Variants in GRID2 observed in about 807,000 individuals in gnomAD.
The protein encoded by GRID2 is glutamate ionotropic receptor delta type subunit 2, also known as glutamate receptor ionotropic, delta-2.
GRID2 carries 33 observed loss-of-function variants against 114.8 expected under a neutral mutation model. The observed-to-expected ratio is 0.29, with a 90% confidence interval of 0.22 to 0.38. The LOEUF (loss-of-function observed/expected upper bound fraction) is 0.38, where lower values mean the gene tolerates loss of function less well. GRID2 is among the 10% of genes least tolerant of loss of function. GRID2 has a pLI of 1.00. For synonymous variants in GRID2, 505 were observed against 449.9 expected (o/e 1.12, Z -1.55); for missense variants, 1,184 against 1,257.7 (o/e 0.94, Z 0.89).
chr4:92,507,835 G>A (rs1424359113), intron 1 of GRID2, among the ~76,000 whole-genome samples: 1 of 151,822 alleles, frequency 6.6e-6, no homozygotes, highest in Non-Finnish European at 1.5e-5. Flanking sequence ...ATTCTAGTAT[G>A]TGCTAAATTC....
intron 4 of GRID2, among the ~76,000 whole-genome samples, chr4:93,179,629 T>G (rs1411565432): frequency 6.6e-6 from 1 of 152,198 alleles, no homozygotes; most frequent in Non-Finnish European, 1.5e-5. Context: ...CTAAGTACCT[T>G]GTACATATTA....
intron 14 of GRID2, among the ~76,000 whole-genome samples, chr4:93,729,791 C>G (rs189567531): frequency 6.6e-6 from 1 of 152,088 alleles, no homozygotes; most frequent in African/African-American, 2.4e-5. Context: ...TCTGAAACAC[C>G]AAAGCTAAGT....
At chr4:92,323,458 G>GT (rs1053379157) in intron 1 of GRID2, among the ~76,000 whole-genome samples, 7 of 151,854 alleles carry the variant, frequency 4.6e-5, no homozygotes, top group Admixed American at 6.6e-5. Flanking sequence ...TCTCCTAAAA[G>GT]TTTTTTTTCC....
chr4:92,882,539 G>T (rs189484553), intron 2 of GRID2, among the ~76,000 whole-genome samples: 2 of 151,424 alleles, frequency 1.3e-5, no homozygotes, highest in Admixed American at 1.3e-4. Flanking sequence ...CTATATTAGG[G>T]GTTTTCAGTT....
At chr4:92,857,346 A>T (rs1286340725) in intron 2 of GRID2, among the ~76,000 whole-genome samples, 1 of 152,220 alleles carries the variant, frequency 6.6e-6, no homozygotes, top group Non-Finnish European at 1.5e-5. Context: ...TGCACCAGTT[A>T]GCAAAGTTGT....
At chr4:92,376,753 G>A (rs2870622) in intron 1 of GRID2, among the ~76,000 whole-genome samples, 46,455 of 152,034 alleles carry the variant, frequency 0.31, 7,116 homozygotes, top group African/African-American at 0.34. Flanking sequence ...ACTTTTGTGC[G>A]CTTGCAGACT....
At chr4:93,796,281 A>T (rs73842453) in intron 1 of GRID2, among the ~76,000 whole-genome samples, 13,401 of 152,172 alleles carry the variant, frequency 0.088, 604 homozygotes, top group South Asian at 0.18. Flanking sequence ...CACTAGAGTC[A>T]CAAGTCTTCC....
chr4:92,893,835 C>T (rs751205267), intron 2 of GRID2, among the ~76,000 whole-genome samples: 5 of 151,932 alleles, frequency 3.3e-5, no homozygotes, highest in Non-Finnish European at 4.4e-5. Context: ...TAATATGTTT[C>T]GGGATAATGT....
intron 4 of GRID2, among the ~76,000 whole-genome samples, chr4:93,179,709 A>G (rs933509483): frequency 1.3e-5 from 2 of 152,200 alleles, no homozygotes; most frequent in Non-Finnish European, 2.9e-5. Context: ...TAGGAATTTG[A>G]AGCTTGGAAG....
intron 4 of GRID2, among the ~76,000 whole-genome samples, chr4:93,188,997 CTTCCCTACAG>C (rs1740712792): frequency 6.6e-6 from 1 of 152,078 alleles, no homozygotes; most frequent in Non-Finnish European, 1.5e-5. Flanking sequence ...AGATTGAGGC[CTTCCCTACAG>C]TTCTCTTCTT....
chr4:93,036,029 G>A (rs1340492045), intron 2 of GRID2, among the ~76,000 whole-genome samples: 3 of 152,078 alleles, frequency 2.0e-5, no homozygotes, highest in African/African-American at 7.2e-5. Context: ...TCTTTGCCTA[G>A]TTTTGATCCT....
chr4:92,535,579 A>G (rs1184873321), intron 1 of GRID2, among the ~76,000 whole-genome samples: 1 of 152,182 alleles, frequency 6.6e-6, no homozygotes, highest in African/African-American at 2.4e-5. Context: ...GGCCAGAGGA[A>G]CAGCAATTAT....
rs529598930 is a variant in GRID2 at position 93,006,881 on chromosome 4, T to C, written c.245-78114T>C. Among the ~76,000 whole-genome samples, 636 of 151,582 alleles carry C rather than the reference T, an allele frequency of 4.2e-3. 7 individuals are homozygous for C. Among genetic ancestry groups the C allele is most frequent in the African/African-American group, 0.015 (601 of 41,438 alleles). Reference sequence around the variant, plus strand: ...TTTCAACTGATGAAATTTCTCTTCCTTCCAAAAGTAAGTAAAAAAACAGCA... The same window carrying C: ...TTTCAACTGATGAAATTTCTCTTCCCTCCAAAAGTAAGTAAAAAAACAGCA... On this transcript the variant is annotated intron_variant, in intron 2 of 15. Coordinates refer to ENST00000282020, the MANE Select transcript of GRID2 (RefSeq NM_001510.4).
At chr4:93,576,579 GA>G (rs1351933947) in intron 13 of GRID2, among the ~76,000 whole-genome samples, 1 of 152,068 alleles carries the variant, frequency 6.6e-6, no homozygotes, top group East Asian at 1.9e-4. Context: ...TTTTGCATTA[GA>G]AGCTATTAAA....
intron 2 of GRID2, among the ~76,000 whole-genome samples, chr4:92,783,222 T>G (rs898059479): frequency 1.3e-5 from 2 of 152,066 alleles, no homozygotes; most frequent in African/African-American, 4.8e-5. Flanking sequence ...GGAATAGCTA[T>G]GTTGTGGGTT....
At chr4:92,908,576 A>AG (rs1173101397) in intron 2 of GRID2, among the ~76,000 whole-genome samples, 2 of 151,650 alleles carry the variant, frequency 1.3e-5, no homozygotes, top group East Asian at 1.9e-4. Context: ...AAAAAAAAAA[A>AG]AAAAGCAGCC....
In GRID2 at chr4:93,589,823, A is replaced by G. The variant is rs561172829; in HGVS notation, c.2194-36446A>G. Among the ~76,000 whole-genome samples, 27 of 151,850 alleles carry G rather than the reference A, an allele frequency of 1.8e-4. 1 individual carries two copies. The South Asian group carries it at 5.6e-3, about 32-fold the overall frequency. ...GGCCAGTGATGGTGAGCATTTTTTC[A>G]TGTGTTTTTTGGCTGCATAAATGTC... On this transcript the variant is annotated intron_variant, in intron 13 of 15. Coordinates refer to ENST00000282020, the MANE Select transcript of GRID2 (RefSeq NM_001510.4).
chr4:92,720,991 A>G (rs2149317426), intron 2 of GRID2, among the ~76,000 whole-genome samples: 1 of 152,250 alleles, frequency 6.6e-6, no homozygotes, highest in Non-Finnish European at 1.5e-5. Flanking sequence ...GACCATTCTG[A>G]CACATCATAC....
chr4:92,449,671 T>A (rs1286206156), intron 1 of GRID2, among the ~76,000 whole-genome samples: 14 of 73,236 alleles, frequency 1.9e-4, no homozygotes, highest in Non-Finnish European at 3.5e-4. Context: ...CTATCTTTTC[T>A]TACTGATATA....
Sources: gnomAD v4.1 joint callset for allele counts (sites outside exome capture counted in the v4.1 genomes callset) on GRCh38, gnomAD v4.1.1 for gene constraint, MANE v1.5 for transcripts, NCBI Gene and HGNC (gene_info 2026-07-23, HGNC 2026-07-21) for gene names.